Variants in ADAMTS17 observed in about 807,000 individuals in gnomAD.
ADAMTS17 encodes A disintegrin and metalloproteinase with thrombospondin motifs 17.
ADAMTS17 carries 113 observed loss-of-function variants against 141.5 expected under a neutral mutation model. The observed-to-expected ratio is 0.80, with a 90% CI of 0.69 to 0.93. ADAMTS17 has a LOEUF of 0.93. Among genes scored for constraint, ADAMTS17 ranks in the 40% least tolerant of loss-of-function variants. ADAMTS17 has a pLI of 0.00. For synonymous variants in ADAMTS17, 768 were observed against 630.6 expected, an observed-to-expected ratio of 1.22 and a Z score of -3.27; for missense variants, 1,659 against 1,517.9, an observed-to-expected ratio of 1.09 and a Z score of -1.54.
At chr15:100,258,608 A>G (rs1194272111) in intron 6 of ADAMTS17, among the ~76,000 whole-genome samples, 1 of 152,104 alleles carries the variant, frequency 6.6e-6, no homozygotes, top group Non-Finnish European at 1.5e-5. Context: ...ATCTTGTGAG[A>G]CTTCTTCACG....
In ADAMTS17 at chr15:100,133,274, G is replaced by A. The variant is rs2038153476; in HGVS notation, c.1515C>T (p.Asp505=). The change falls in exon 11 of 22, where the codon GAC becomes GAT. Residue 505 remains aspartate (D), a synonymous_variant. Transcript: ENST00000268070. ...CAGLWCLVEG[D]TSCKTKLDPP... ...GGTCCAGCTTGGTCTTGCAGGATGTGTCTCCTTCTACCAGGCACCACAGTC... is the reference window on the plus strand; with the variant it reads ...GGTCCAGCTTGGTCTTGCAGGATGTATCTCCTTCTACCAGGCACCACAGTC... 6.3e-7 allele frequency: 1 copy of A among 1,598,520 alleles called. No homozygotes were observed. The highest frequency in any genetic ancestry group is 8.5e-7 in the Non-Finnish European group (1 of 1,171,178).
intron 7 of ADAMTS17, among the ~76,000 whole-genome samples, chr15:100,243,927 G>A (rs1010666506): frequency 1.3e-5 from 2 of 152,016 alleles, no homozygotes; most frequent in Non-Finnish European, 2.9e-5. Flanking sequence ...CCATTTTCCA[G>A]ATGAGAAAAC....
intron 3 of ADAMTS17, chr15:100,306,459 G>T: frequency 2.2e-6 from 1 of 455,980 alleles, no homozygotes; most frequent in South Asian, 1.5e-5. Flanking sequence ...GACGCTCCAC[G>T]TTGTTGTCCT....
intron 7 of ADAMTS17, among the ~76,000 whole-genome samples, chr15:100,230,953 G>C (rs1159138873): frequency 6.6e-6 from 1 of 152,132 alleles, no homozygotes; most frequent in Non-Finnish European, 1.5e-5. Context: ...AGAGGGATTA[G>C]CAATAAAGCA....
chr15:100,028,552 C>A (rs2029868274), intron 18 of ADAMTS17, among the ~76,000 whole-genome samples: 2 of 152,334 alleles, frequency 1.3e-5, no homozygotes, highest in Admixed American at 1.3e-4. Context: ...ACAAATTTAG[C>A]TCTTACTGTG....
At chr15:100,012,664 T>C (rs544793976) in intron 18 of ADAMTS17, among the ~76,000 whole-genome samples, 71 of 152,336 alleles carry the variant, frequency 4.7e-4, no homozygotes, top group African/African-American at 1.7e-3. Flanking sequence ...CTTTATGTTT[T>C]TGTTTGCTTT....
At chr15:100,079,808 C>A (rs2034615362) in intron 15 of ADAMTS17, among the ~76,000 whole-genome samples, 1 of 152,162 alleles carries the variant, frequency 6.6e-6, no homozygotes, top group South Asian at 2.1e-4. Flanking sequence ...CATGGTATTC[C>A]ACACAGCACT....
chr15:100,096,272 A>C lies in ADAMTS17; in HGVS notation c.2137+84T>G, dbSNP rs7174592. ...ACTACCATCTAGCCCTTAAATATGAAATGTAGGGAAGACTGCAATCAATAG... is the reference window on the plus strand; with the variant it reads ...ACTACCATCTAGCCCTTAAATATGACATGTAGGGAAGACTGCAATCAATAG... On this transcript the variant is annotated intron_variant, in intron 15 of 21. Coordinates refer to ENST00000268070, the MANE Select transcript of ADAMTS17 (RefSeq NM_139057.4). 1.4e-3 allele frequency: 2,274 copies of C among 1,597,916 alleles called. 23 individuals carry two copies. In the African/African-American group the frequency reaches 0.027, roughly 19 times the overall value.
intron 3 of ADAMTS17, among the ~76,000 whole-genome samples, chr15:100,324,937 G>C (rs1436168377): frequency 1.3e-5 from 2 of 152,174 alleles, no homozygotes; most frequent in African/African-American, 2.4e-5. Context: ...ATTCTAACTT[G>C]CCTGAGCTTA....
At chr15:100,001,430 T>G (rs1280706660) in intron 18 of ADAMTS17, among the ~76,000 whole-genome samples, 5 of 151,750 alleles carry the variant, frequency 3.3e-5, no homozygotes, top group African/African-American at 1.2e-4. Flanking sequence ...CTTTGTATGA[T>G]GCTATAACGG....
chr15:99,973,394 C>T lies in ADAMTS17; in HGVS notation c.*1008G>A, dbSNP rs1310229182. 1 of 151,728 alleles carries T rather than the reference C, an allele frequency of 6.6e-6. No individual in the cohort carries two copies. Among genetic ancestry groups the T allele is most frequent in the Non-Finnish European group, 1.5e-5 (1 of 68,030 alleles). The allele number at this position is 151,728 out of a possible 1,614,324, so 9.4% of individuals were successfully genotyped here. A position where few individuals can be genotyped will look rare whatever the true frequency, so the allele number is the denominator to read the frequency against. On this transcript the variant is annotated 3_prime_UTR_variant, in exon 22 of 22. Transcript: ENST00000268070. ...ACAGATCCTAGGCCTGGGCTTGTGT[C>T]CTCAGAGGTCCCAAATGTCGTCTTA...
intron 3 of ADAMTS17, among the ~76,000 whole-genome samples, chr15:100,330,439 C>T (rs2046015703): frequency 6.6e-6 from 1 of 152,194 alleles, no homozygotes. Flanking sequence ...GATGCTGATG[C>T]TGCTGGCCCG....
Position 99,993,271 on chromosome 15 carries a change from C to T in ADAMTS17, c.2797-71G>A. On this transcript the variant is annotated intron_variant, in intron 19 of 21. Coordinates refer to ENST00000268070, the MANE Select transcript of ADAMTS17 (RefSeq NM_139057.4). This position sits in a 1 kb window ranked among gnomAD's most constrained non-coding sequence, Gnocchi z 4.3. The stretch of plus-strand genomic sequence containing the variant: ...AAGTCCATCAACAGCTATTAACTCC[C>T]TCCAATGTGCCAGGTGCGGTGTGGG... 6.3e-7 allele frequency: 1 copy of T among 1,591,830 alleles called. No homozygotes were observed. The highest frequency in any genetic ancestry group is 1.3e-5 in the African/African-American group (1 of 74,678).
chr15:100,289,548 TCACA>T (rs35262820), intron 3 of ADAMTS17, among the ~76,000 whole-genome samples: 162 of 146,548 alleles, frequency 1.1e-3, no homozygotes, highest in African/African-American at 3.4e-3. Flanking sequence ...ATACACACAC[TCACA>T]CACACACACA....
intron 4 of ADAMTS17, among the ~76,000 whole-genome samples, chr15:100,279,333 C>T (rs899761084): frequency 6.6e-6 from 1 of 152,202 alleles, no homozygotes; most frequent in Non-Finnish European, 1.5e-5. Flanking sequence ...CAAACAAAGG[C>T]GCCTGTGGCC....
Position 100,071,422 on chromosome 15 carries a change from T to A in ADAMTS17, c.2138-17368A>T, listed in dbSNP as rs1172438487. On this transcript the variant is annotated intron_variant, in intron 15 of 21. Coordinates refer to ENST00000268070, the MANE Select transcript of ADAMTS17 (RefSeq NM_139057.4). ...CCAGCATCATCCTGATACCAAAGCCTGGCAGAGACACAACAAAAAAAGAGA... is the reference window on the plus strand; with the variant it reads ...CCAGCATCATCCTGATACCAAAGCCAGGCAGAGACACAACAAAAAAAGAGA... Among the ~76,000 whole-genome samples, 9 of 149,842 alleles carry A rather than the reference T, an allele frequency of 6.0e-5. 2 individuals carry two copies. The highest frequency in any genetic ancestry group is 1.5e-4 in the African/African-American group (6 of 40,428).
rs889674787 is a variant in ADAMTS17 at position 100,335,583 on chromosome 15, C to T, written c.451-4529G>A. ...CAGAGCATCCTGCACGTGGCAGGTG[C>T]GTGATAATGATCTGCTCATTCAGGC... On this transcript the variant is annotated intron_variant, in intron 2 of 21. Coordinates refer to ENST00000268070, the MANE Select transcript of ADAMTS17 (RefSeq NM_139057.4). Among the ~76,000 whole-genome samples the T allele has an allele frequency of 3.7e-4, 56 of 152,198 alleles. 1 individual carries two copies. The highest frequency in any genetic ancestry group is 1.0e-4 in the Non-Finnish European group (7 of 68,034).
At chr15:100,247,901 C>T (rs149737338) in intron 7 of ADAMTS17, among the ~76,000 whole-genome samples, 10 of 152,126 alleles carry the variant, frequency 6.6e-5, no homozygotes, top group African/African-American at 2.4e-4. Flanking sequence ...GCACTTCCTC[C>T]ACCCACACGC....
intron 10 of ADAMTS17, among the ~76,000 whole-genome samples, chr15:100,143,735 A>C (rs1028904287): frequency 6.6e-6 from 1 of 152,178 alleles, no homozygotes; most frequent in African/African-American, 2.4e-5. Flanking sequence ...ACTGTATTTT[A>C]ATTTTTCTCA....
Sources: gnomAD v4.1 joint callset for allele counts (sites outside exome capture counted in the v4.1 genomes callset) on GRCh38, gnomAD v4.1.1 for gene constraint, Gnocchi (gnomAD v3.1) non-coding constraint, MANE v1.5 for transcripts, NCBI Gene and HGNC (gene_info 2026-07-23, HGNC 2026-07-21) for gene names.